PCDHGB4: variants seen among roughly 807,000 people sequenced by gnomAD.
The protein encoded by PCDHGB4 is protocadherin gamma subfamily B, 4.
Under a neutral mutation model 60.5 loss-of-function variants are expected in PCDHGB4, and 38 were observed. The observed-to-expected ratio is 0.63, with a 90% confidence interval of 0.48 to 0.82. The LOEUF (loss-of-function observed/expected upper bound fraction) is 0.82. Among genes scored for constraint, PCDHGB4 ranks in the 40% least tolerant of loss-of-function variants. The probability of loss-of-function intolerance (pLI) is 0.00; values close to 1 mark genes in which losing one functional copy is unlikely to be tolerated. For missense variants in PCDHGB4, 1,109 were observed against 1,209.6 expected (o/e 0.92, Z 1.23); for synonymous variants, 456 against 509.7 (o/e 0.89, Z 1.42).
intron 2 of PCDHGB4, among the ~76,000 whole-genome samples, chr5:141,497,540 C>CTT (rs754207034): frequency 2.8e-4 from 38 of 134,912 alleles, no homozygotes; most frequent in African/African-American, 8.9e-4. Context: ...TGCAACAAAC[C>CTT]TTTTTTTTTT....
Position 141,491,456 on chromosome 5 carries a change from C to A in PCDHGB4, c.2398-3351C>A. ...TGCAGGCGCCAGGACTCACCCTCCC[C>A]GGACTTCTATAAGCAGTCCAGCCCC... On this transcript the variant is annotated intron_variant, in intron 1 of 3. Coordinates refer to ENST00000519479, the MANE Select transcript of PCDHGB4 (RefSeq NM_003736.4). The surrounding 1 kb of genome is among the most constrained non-coding windows in gnomAD (Gnocchi z 6.9). 1.2e-6 allele frequency: 2 copies of A among 1,614,104 alleles called. No homozygotes were observed.
intron 1 of PCDHGB4, among the ~76,000 whole-genome samples, chr5:141,453,993 A>T (rs2098779172): frequency 6.6e-6 from 1 of 152,234 alleles, no homozygotes; most frequent in African/African-American, 2.4e-5. Flanking sequence ...CCAGTGATAA[A>T]CCCACATAAC....
rs2150378532 is a variant in PCDHGB4 at position 141,389,215 on chromosome 5, A to G, written c.1331A>G (p.Asn444Ser). Residue 444 changes from asparagine (N) to serine (S), a missense_variant, in exon 1 of 4, where the codon AAT becomes AGT. Asn to Ser is a conservative substitution (Grantham distance 46). Coordinates refer to ENST00000519479, the MANE Select transcript of PCDHGB4 (RefSeq NM_003736.4). Reference sequence around the variant, plus strand: ...ATCACCCTGCACATTGGTGATGTAAATGACAACGCTCCGGTTTTCTCACAG... The same window carrying G: ...ATCACCCTGCACATTGGTGATGTAAGTGACAACGCTCCGGTTTTCTCACAG... Reference protein sequence around the residue: ...SSITLHIGDVNDNAPVFSQSS... With the variant: ...SSITLHIGDVSDNAPVFSQSS... 1 of 1,614,010 alleles carries G rather than the reference A, an allele frequency of 6.2e-7. No individual in the cohort carries two copies. The highest frequency in any genetic ancestry group is 8.5e-7 in the Non-Finnish European group (1 of 1,179,882).
chr5:141,415,761 T>A (rs1047830043), intron 1 of PCDHGB4: 2 of 1,399,648 alleles, frequency 1.4e-6, no homozygotes, highest in African/African-American at 3.0e-5. Context: ...TTTTTTTTTT[T>A]TTTTTTTTTT....
At chr5:141,394,288 C>T in intron 1 of PCDHGB4, 1 of 1,613,944 alleles carries the variant, frequency 6.2e-7, no homozygotes, top group Non-Finnish European at 8.5e-7. Flanking sequence ...TACTCTGTGA[C>T]CGAGGACACG....
chr5:141,431,265 G>A lies in PCDHGB4; in HGVS notation c.2397+40984G>A. 2 of 1,614,168 alleles carry A rather than the reference G, an allele frequency of 1.2e-6. No homozygotes were observed. On this transcript the variant is annotated intron_variant, in intron 1 of 3. Transcript: ENST00000519479. This position sits in a 1 kb window ranked among gnomAD's most constrained non-coding sequence, Gnocchi z 4.8. ...GATATCGGGAAGAACTCTCTGCAGA[G>A]CTACGAGCTCAGCCCGAACACTCAC...
chr5:141,494,855 G>C lies in PCDHGB4; in HGVS notation c.2446G>C (p.Gly816Arg), dbSNP rs200418116. The C allele has an allele frequency of 6.2e-7, 1 of 1,614,092 alleles. No homozygotes were observed. Among genetic ancestry groups the C allele is most frequent in the South Asian group, 1.1e-5 (1 of 91,072 alleles). ...DWRFSQAQRP[G>R]TSGSQNGDDT... is the part of the protein sequence containing the mutation. ...GCGTTTCTCTCAGGCCCAGAGACCC[G>C]GCACCAGCGGGTAGGTGACTGATTC... The change falls in exon 2 of 4, where the codon GGC (glycine) becomes CGC (arginine). Residue 816 changes from glycine (G) to arginine (R), a missense_variant. Transcript: ENST00000519479.
At chr5:141,408,566 G>A (rs779048929) in intron 1 of PCDHGB4, 2 of 1,613,912 alleles carry the variant, frequency 1.2e-6, no homozygotes, top group East Asian at 4.5e-5. Flanking sequence ...TGTCATTGTG[G>A]TGATTGAGGA....
chr5:141,413,665 C>T (rs770111467), intron 1 of PCDHGB4: 1 of 1,613,726 alleles, frequency 6.2e-7, no homozygotes, highest in East Asian at 2.2e-5. Flanking sequence ...AGCTATTGAT[C>T]CGGATGTGGG....
chr5:141,406,344 A>G (rs1227863234), intron 1 of PCDHGB4, among the ~76,000 whole-genome samples: 1 of 152,148 alleles, frequency 6.6e-6, no homozygotes, highest in Non-Finnish European at 1.5e-5. Flanking sequence ...TCATTTATTC[A>G]GGTCATACTA....
In PCDHGB4 at chr5:141,388,529, G is replaced by A; in HGVS notation, c.645G>A (p.Leu215=). Residue 215 remains leucine, a synonymous_variant, in exon 1 of 4, where the codon TTG becomes TTA. Coordinates refer to ENST00000519479, the MANE Select transcript of PCDHGB4 (RefSeq NM_003736.4). The part of the protein sequence containing the change: ...QKSYHLTLTA[L]DFGAPPLSST... ...CCTACCACTTGACTTTGACTGCCTT[G>A]GACTTTGGAGCTCCACCCCTAAGCA... 1 of 1,613,814 alleles carries A rather than the reference G, an allele frequency of 6.2e-7. No individual in the cohort carries two copies. Among genetic ancestry groups the A allele is most frequent in the South Asian group, 1.1e-5 (1 of 91,078 alleles).
rs2099713635 is a variant in PCDHGB4, at chr5:141,491,418, T to C, written c.2398-3389T>C. The C allele has an allele frequency of 6.2e-7, 1 of 1,613,796 alleles. No individual in the cohort carries two copies. Among genetic ancestry groups the C allele is most frequent in the Non-Finnish European group, 8.5e-7 (1 of 1,179,944 alleles). On this transcript the variant is annotated intron_variant, in intron 1 of 3. Transcript: ENST00000519479. The surrounding 1 kb of genome is among the most constrained non-coding windows in gnomAD (Gnocchi z 6.9). The stretch of plus-strand genomic sequence containing the variant: ...AGGGAAACGCAGACGGGGACGGGGG[T>C]GGAGGGCAGTGCTGCAGGCGCCAGG...
In PCDHGB4 at chr5:141,486,671, C is replaced by A. The variant is rs1307620045; in HGVS notation, c.2398-8136C>A. On this transcript the variant is annotated intron_variant, in intron 1 of 3. Coordinates refer to ENST00000519479, the MANE Select transcript of PCDHGB4 (RefSeq NM_003736.4). The surrounding 1 kb of genome is among the most constrained non-coding windows in gnomAD (Gnocchi z 5.0). The stretch of plus-strand genomic sequence containing the variant: ...CTACTCACTCCTGGAGCCCAGGAAT[C>A]GAGATGTATCAGCTTCCTCTTTCAT... 1.9e-6 allele frequency: 3 copies of A among 1,614,044 alleles called. No individual in the cohort carries two copies. The highest frequency in any genetic ancestry group is 2.5e-6 in the Non-Finnish European group (3 of 1,180,014).
chr5:141,451,165 A>G (rs2098709571), intron 1 of PCDHGB4, among the ~76,000 whole-genome samples: 1 of 152,116 alleles, frequency 6.6e-6, no homozygotes, highest in Admixed American at 6.6e-5. Context: ...TTTTGGTAGT[A>G]TATTATTTAG....
Position 141,477,203 on chromosome 5 carries a change from G to T in PCDHGB4, c.2398-17604G>T. On this transcript the variant is annotated intron_variant, in intron 1 of 3. Coordinates refer to ENST00000519479, the MANE Select transcript of PCDHGB4 (RefSeq NM_003736.4). The surrounding 1 kb of genome is among the most constrained non-coding windows in gnomAD (Gnocchi z 4.9). ...CACCTCCGTGTACAGCCCAGTACCC[G>T]AGGATGCCCCTCTGGGGACTGTCAT... 1 of 1,614,176 alleles carries T rather than the reference G, an allele frequency of 6.2e-7. No individual in the cohort carries two copies. The highest frequency in any genetic ancestry group is 1.1e-5 in the South Asian group (1 of 91,082).
Position 141,486,567 on chromosome 5 carries a change from C to T in PCDHGB4, c.2398-8240C>T, listed in dbSNP as rs1562113360. On this transcript the variant is annotated intron_variant, in intron 1 of 3. Transcript: ENST00000519479. The surrounding 1 kb of genome is among the most constrained non-coding windows in gnomAD (Gnocchi z 5.0). ...CAGAGGTCACATGAGGTGTTTGTTCCTGAGAACAATCGCCCAGGGGACCTG... is the reference window on the plus strand; with the variant it reads ...CAGAGGTCACATGAGGTGTTTGTTCTTGAGAACAATCGCCCAGGGGACCTG... The T allele has an allele frequency of 6.2e-7, 1 of 1,613,918 alleles. No homozygotes were observed. The highest frequency in any genetic ancestry group is 8.5e-7 in the Non-Finnish European group (1 of 1,179,986).
intron 1 of PCDHGB4, among the ~76,000 whole-genome samples, chr5:141,459,646 T>C (rs2098972004): frequency 6.6e-6 from 1 of 152,266 alleles, no homozygotes; most frequent in Non-Finnish European, 1.5e-5. Context: ...TTTTTCAAAA[T>C]GGTAATATCA....
chr5:141,509,199 GTC>G (rs1017134758), intron 3 of PCDHGB4, among the ~76,000 whole-genome samples: 1 of 152,070 alleles, frequency 6.6e-6, no homozygotes, highest in Non-Finnish European at 1.5e-5. Context: ...AATATTTCCT[GTC>G]TCTCTATTTC....
chr5:141,403,340 G>T, intron 1 of PCDHGB4: 3 of 1,613,982 alleles, frequency 1.9e-6, no homozygotes, highest in African/African-American at 1.3e-5. Flanking sequence ...TAACGACAGC[G>T]CCCCAAAGTT....
Sources: allele counts gnomAD v4.1 joint callset (sites outside exome capture counted in the v4.1 genomes callset), GRCh38; gene constraint gnomAD v4.1.1; non-coding constraint Gnocchi (gnomAD v3.1); transcripts MANE v1.5; gene names NCBI Gene and HGNC (gene_info 2026-07-23, HGNC 2026-07-21).